Variants in PTPRB observed in about 807,000 individuals in gnomAD.
The protein encoded by PTPRB is protein tyrosine phosphatase receptor type B.
Under a neutral mutation model 238.1 loss-of-function variants are expected in PTPRB, and 97 were observed. That is an observed-to-expected ratio of 0.41 (90% CI 0.35 to 0.48). The LOEUF (loss-of-function observed/expected upper bound fraction) is 0.48, where lower values mean the gene tolerates loss of function less well. Ranked by LOEUF, PTPRB falls within the 20% of genes least tolerant of loss-of-function variation. The probability of loss-of-function intolerance (pLI) is 0.30; values close to 1 mark genes in which losing one functional copy is unlikely to be tolerated. For missense variants in PTPRB, 2,292 were observed against 2,681.9 expected (o/e 0.85, Z 3.21); for synonymous variants, 970 against 995.4 (o/e 0.97, Z 0.48).
In PTPRB at chr12:70,560,883, C is replaced by T. The variant is rs1878400115; in HGVS notation, c.4220G>A (p.Ser1407Asn). ...GGCTGGACTCCAGTTGAACCAAAGG[C>T]TGTCTGTCGTGTTCCGATTGGACCC... ...LRGSNRNTTDSLWFNWSPASG... is the reference protein window; with the variant it reads ...LRGSNRNTTDNLWFNWSPASG... The change falls in exon 17 of 34, where the codon AGC becomes AAC. Residue 1407 changes from serine (S) to asparagine (N), a missense_variant. Transcript: ENST00000334414. The surrounding 1 kb of genome is among the most constrained non-coding windows in gnomAD (Gnocchi z 4.2). 6.2e-7 allele frequency: 1 copy of T among 1,613,536 alleles called. No individual in the cohort carries two copies. The highest frequency in any genetic ancestry group is 8.5e-7 in the Non-Finnish European group (1 of 1,179,638).
chr12:70,555,374 A>T (rs2136308482), intron 19 of PTPRB, 65 bp from the exon 20 acceptor site: 1 of 1,443,344 alleles, frequency 6.9e-7, no homozygotes, highest in Admixed American at 2.0e-5. Context: ...CATAAACAAC[A>T]GTTAGTGAAA....
At chr12:70,586,874 A>C (rs1262694432) in intron 9 of PTPRB, 133 bp downstream of exon 9, 1 of 877,956 alleles carries the variant, frequency 1.1e-6, no homozygotes, top group Non-Finnish European at 1.7e-6. Context: ...ATAGAAAACA[A>C]ACACAATAGA....
rs376327967 is a variant in PTPRB at position 70,595,843 on chromosome 12, C to T, written c.1258+206G>A. On this transcript the variant is annotated intron_variant, in intron 5 of 33. Coordinates refer to ENST00000334414, the MANE Select transcript of PTPRB (RefSeq NM_001109754.4). ...CAGAAGTCCCATGACTTCTTCAAAA[C>T]CACTCAACAAGTTACCAGCATAGCC... 6.6e-5 allele frequency among the ~76,000 whole-genome samples: 10 copies of T among 152,294 alleles called. No homozygotes were observed. The East Asian group carries it at 1.9e-3, about 29-fold the overall frequency.
intron 29 of PTPRB, among the ~76,000 whole-genome samples, 176 bp downstream of exon 29, chr12:70,535,849 A>G (rs2136236803): frequency 6.6e-6 from 1 of 152,336 alleles, no homozygotes; most frequent in South Asian, 2.1e-4. Flanking sequence ...CAGAATCAGA[A>G]TCAGGCATCA....
rs1243909825 is a variant in PTPRB at position 70,538,895 on chromosome 12, A to G, written c.5869+29T>C. On this transcript the variant is annotated intron_variant, in intron 27 of 33. Coordinates refer to ENST00000334414, the MANE Select transcript of PTPRB (RefSeq NM_001109754.4). Reference sequence around the variant, plus strand: ...AATGCAGAAATGGCTAGAGGAAGACAGTATTACAAATTTTGACACAAAACT... The same window carrying G: ...AATGCAGAAATGGCTAGAGGAAGACGGTATTACAAATTTTGACACAAAACT... 11 of 1,549,754 alleles carry G rather than the reference A, an allele frequency of 7.1e-6. No homozygotes were observed. In the South Asian group the frequency reaches 1.1e-4, roughly 16 times the overall value.
intron 4 of PTPRB, among the ~76,000 whole-genome samples, chr12:70,597,406 T>C (rs1565995717): frequency 6.6e-6 from 1 of 152,146 alleles, no homozygotes; most frequent in African/African-American, 2.4e-5. Context: ...TGAACTTGAA[T>C]AGAATAAAAA....
chr12:70,549,683 T>C (rs1404612681), intron 21 of PTPRB, among the ~76,000 whole-genome samples: 1 of 152,216 alleles, frequency 6.6e-6, no homozygotes, highest in African/African-American at 2.4e-5. Flanking sequence ...GAATTCTGAC[T>C]GGACTGAGTT....
At position 70,635,847 on chromosome 12, in the gene PTPRB, C is replaced by T. The variant is rs764058489; in HGVS notation, c.275G>A (p.Arg92Gln). 22 of 1,613,456 alleles carry T rather than the reference C, an allele frequency of 1.4e-5. No homozygotes were observed. Among genetic ancestry groups the T allele is most frequent in the Non-Finnish European group, 1.8e-5 (21 of 1,179,700 alleles). The change falls in exon 2 of 34, where the codon CGA (arginine) becomes CAA (glutamine). Residue 92 changes from arginine to glutamine, a missense_variant. Around this residue, in one of 4 missense-constraint regions of PTPRB, gnomAD observed 1,205 missense variants for 1,287.8 expected, o/e 0.94. Coordinates refer to ENST00000334414, the MANE Select transcript of PTPRB (RefSeq NM_001109754.4). ...AILDRCSQAP[R>Q]WTCYDQEGFL... Reference sequence around the variant, plus strand: ...GCCTTCCTGATCATAGCAGGTCCATCGGGGTGCCTGGGAACAGCGGTCCAA... The same window carrying T: ...GCCTTCCTGATCATAGCAGGTCCATTGGGGTGCCTGGGAACAGCGGTCCAA...
intron 7 of PTPRB, chr12:70,591,775 T>C (rs1181114830): frequency 6.4e-6 from 1 of 156,770 alleles, no homozygotes; most frequent in East Asian, 1.9e-4. Flanking sequence ...ACTCTTAGCT[T>C]GAGGGCTAAA....
intron 21 of PTPRB, among the ~76,000 whole-genome samples, chr12:70,547,758 T>A (rs138637629): frequency 2.5e-3 from 375 of 152,240 alleles, no homozygotes; most frequent in African/African-American, 8.6e-3. Context: ...CTGCCTGTCT[T>A]GGCCTCCCAA....
intron 9 of PTPRB, among the ~76,000 whole-genome samples, chr12:70,581,759 G>A (rs1293073524): frequency 6.6e-6 from 1 of 151,590 alleles, no homozygotes; most frequent in East Asian, 1.9e-4. Context: ...TTCTATACTG[G>A]CACATTCTTA....
At chr12:70,610,662 C>T (rs1037462047) in intron 3 of PTPRB, among the ~76,000 whole-genome samples, 11 of 152,128 alleles carry the variant, frequency 7.2e-5, no homozygotes, top group Admixed American at 3.3e-4. Context: ...ATTCTTTTCT[C>T]CCAATCACTT....
intron 11 of PTPRB, among the ~76,000 whole-genome samples, chr12:70,573,471 C>G (rs1880320545): frequency 6.7e-6 from 1 of 150,288 alleles, no homozygotes; most frequent in Non-Finnish European, 1.5e-5. Flanking sequence ...GTAAAGGTGG[C>G]AGTTGATGCA....
At chr12:70,592,194 T>C (rs779289313) in intron 7 of PTPRB, 88 bp downstream of exon 7, 13 of 1,563,862 alleles carry the variant, frequency 8.3e-6, no homozygotes, top group Admixed American at 5.1e-5. Flanking sequence ...GGGAAAGGAG[T>C]TTTCCTGCTG....
At chr12:70,603,378 G>GTA (rs1566002201) in intron 4 of PTPRB, among the ~76,000 whole-genome samples, 1 of 152,080 alleles carries the variant, frequency 6.6e-6, no homozygotes, top group African/African-American at 2.4e-5. Flanking sequence ...TGTATGCTAA[G>GTA]TATATATATA....
At chr12:70,522,093 G>A (rs1871720111) in intron 33 of PTPRB, among the ~76,000 whole-genome samples, 1 of 152,090 alleles carries the variant, frequency 6.6e-6, no homozygotes, top group Admixed American at 6.6e-5. Context: ...CTAAATAGTA[G>A]CTCTTTATTT....
At chr12:70,539,729 CAGAA>C in intron 25 of PTPRB, 23 bp from the exon 26 acceptor site, 1 of 1,600,054 alleles carries the variant, frequency 6.2e-7, no homozygotes, top group Non-Finnish European at 8.6e-7. Flanking sequence ...ATGAAACAAA[CAGAA>C]AAGAGTTACT....
chr12:70,582,991 A>C (rs1881539689), intron 9 of PTPRB, among the ~76,000 whole-genome samples: 1 of 152,200 alleles, frequency 6.6e-6, no homozygotes, highest in African/African-American at 2.4e-5. Flanking sequence ...CACATGAGCT[A>C]TCATTATCTT....
intron 3 of PTPRB, among the ~76,000 whole-genome samples, chr12:70,614,577 T>G (rs1036091382): frequency 5.9e-5 from 9 of 152,026 alleles, no homozygotes; most frequent in African/African-American, 2.2e-4. Context: ...ACAAAAAAAA[T>G]TAACTGTGAA....
Sources: allele counts gnomAD v4.1 joint callset (sites outside exome capture counted in the v4.1 genomes callset), GRCh38; gene constraint gnomAD v4.1.1; regional missense constraint gnomAD v4.1.1; non-coding constraint Gnocchi (gnomAD v3.1); transcripts MANE v1.5; gene names NCBI Gene and HGNC (gene_info 2026-07-23, HGNC 2026-07-21).